Variants in FOXP4 observed in about 807,000 individuals in gnomAD.
FOXP4 encodes forkhead box P4.
FOXP4 carries 25 observed loss-of-function variants against 82.6 expected under a neutral mutation model. The ratio of observed to expected loss-of-function variants is 0.30; its 90% CI spans 0.22 to 0.42. FOXP4 has a LOEUF of 0.42. Among genes scored for constraint, FOXP4 ranks in the 10% least tolerant of loss-of-function variants. The pLI is 1.00. For synonymous variants in FOXP4, 415 were observed against 388.2 expected (o/e 1.07, Z -0.81); for missense variants, 785 against 900.9 (o/e 0.87, Z 1.65).
In FOXP4 at chr6:41,591,340, C is replaced by T. The variant is rs912060304; in HGVS notation, c.1536+18C>T. On this transcript the variant is annotated intron_variant, in intron 13 of 16. Transcript: ENST00000307972. The surrounding 1 kb of genome is among the most constrained non-coding windows in gnomAD (Gnocchi z 4.2). ...CCTGGAAGGTGAAGCAGGCCCCTTC[C>T]ACCTTCTGGGCCCCAGTCACCCTTG... The T allele has an allele frequency of 6.4e-7, 1 of 1,571,000 alleles. No individual in the cohort carries two copies. The highest frequency in any genetic ancestry group is 8.7e-7 in the Non-Finnish European group (1 of 1,154,806).
At chr6:41,568,590 G>T (rs747459709) in intron 2 of FOXP4, among the ~76,000 whole-genome samples, 4 of 152,172 alleles carry the variant, frequency 2.6e-5, no homozygotes, top group Non-Finnish European at 5.9e-5. Context: ...AACGCTGCCC[G>T]CTGGCCCTAA....
At chr6:41,555,821 C>T (rs1020606572) in intron 1 of FOXP4, among the ~76,000 whole-genome samples, 14 of 152,128 alleles carry the variant, frequency 9.2e-5, no homozygotes, top group Non-Finnish European at 1.9e-4. Flanking sequence ...TGTAGTTAAG[C>T]GGAGTAATCT....
At chr6:41,550,000 T>C (rs892883737) in intron 1 of FOXP4, among the ~76,000 whole-genome samples, 1 of 152,142 alleles carries the variant, frequency 6.6e-6, no homozygotes, top group Non-Finnish European at 1.5e-5. Flanking sequence ...CTCCTCACAG[T>C]TTCCCTTCTC....
intron 2 of FOXP4, chr6:41,570,079 G>GAC (rs35549847): frequency 0.23 from 28,676 of 123,800 alleles, 3,794 homozygotes; most frequent in East Asian, 0.29. Flanking sequence ...ACCACCCCCT[G>GAC]ACACACACAC....
rs895266925 is a variant in FOXP4 at position 41,600,377 on chromosome 6, C to T, written c.*1441C>T. 1 of 152,718 alleles carries T rather than the reference C, an allele frequency of 6.5e-6. No individual in the cohort carries two copies. 9.5% of individuals were successfully genotyped at this position (152,718 alleles called of 1,614,324 possible). A position where few individuals can be genotyped will look rare whatever the true frequency, so the allele number is the denominator to read the frequency against. On this transcript the variant is annotated 3_prime_UTR_variant, in exon 17 of 17. Coordinates refer to ENST00000307972, the MANE Select transcript of FOXP4 (RefSeq NM_001012426.2). ...AAAAGAGCTGGAAAAAAGTCAGACT[C>T]TCCACAGACCCCCTATGGGGGACCC...
rs73733277 is a variant in FOXP4, at chr6:41,556,872, C to T, written c.-16-8873C>T. ...CTTGGAAAGCTTTTTAAAATATCCA[C>T]GCCTGGGTCCAGTTCCCTGAAGAGT... is the stretch of plus-strand genomic sequence containing the variant. On this transcript the variant is annotated intron_variant, in intron 1 of 16. Coordinates refer to ENST00000307972, the MANE Select transcript of FOXP4 (RefSeq NM_001012426.2). Among the ~76,000 whole-genome samples the T allele has an allele frequency of 7.4e-3, 1,133 of 152,324 alleles. 16 individuals are homozygous for T. Among genetic ancestry groups the T allele is most frequent in the African/African-American group, 0.026 (1,064 of 41,564 alleles).
chr6:41,594,006 TGA>T (rs1378754463), intron 13 of FOXP4, among the ~76,000 whole-genome samples: 3 of 151,968 alleles, frequency 2.0e-5, no homozygotes, highest in Non-Finnish European at 2.9e-5. Context: ...GCAGCACAGC[TGA>T]GAGAGGAGGG....
At chr6:41,555,901 C>T (rs1764249759) in intron 1 of FOXP4, among the ~76,000 whole-genome samples, 1 of 152,176 alleles carries the variant, frequency 6.6e-6, no homozygotes, top group Non-Finnish European at 1.5e-5. Flanking sequence ...CTTATGTTTA[C>T]TTTCTTAATG....
chr6:41,583,565 CA>C (rs770695438), intron 3 of FOXP4, among the ~76,000 whole-genome samples: 1 of 152,234 alleles, frequency 6.6e-6, no homozygotes, highest in Non-Finnish European at 1.5e-5. Context: ...CATTTCAGCT[CA>C]GGGGGGCTAA....
chr6:41,556,259 G>A (rs1445951714), intron 1 of FOXP4, among the ~76,000 whole-genome samples: 2 of 151,880 alleles, frequency 1.3e-5, no homozygotes, highest in Non-Finnish European at 2.9e-5. Flanking sequence ...CAAAATGAGC[G>A]CAAAATTGCA....
At chr6:41,575,687 C>T (rs1042385377) in intron 2 of FOXP4, among the ~76,000 whole-genome samples, 1 of 152,096 alleles carries the variant, frequency 6.6e-6, no homozygotes, top group Non-Finnish European at 1.5e-5. Flanking sequence ...GGGGAGTCAA[C>T]TCCCCTGGCC....
intron 1 of FOXP4, among the ~76,000 whole-genome samples, chr6:41,549,692 C>A (rs957132086): frequency 7.0e-6 from 1 of 143,858 alleles, no homozygotes; most frequent in Non-Finnish European, 1.5e-5. Flanking sequence ...GCTGTCTGGA[C>A]CTCAGATTGT....
intron 1 of FOXP4, among the ~76,000 whole-genome samples, chr6:41,561,665 G>T (rs1764587654): frequency 6.6e-6 from 1 of 152,172 alleles, no homozygotes; most frequent in Non-Finnish European, 1.5e-5. Context: ...AAGCAGCTCA[G>T]ATCTACACTG....
chr6:41,563,688 T>C (rs1270076741), intron 1 of FOXP4, among the ~76,000 whole-genome samples: 1 of 152,192 alleles, frequency 6.6e-6, no homozygotes, highest in Non-Finnish European at 1.5e-5. Flanking sequence ...CTGATCAATA[T>C]TGGGGGCTTG....
At chr6:41,588,494 A>G in intron 8 of FOXP4, 150 bp from the exon 9 acceptor site, 1 of 740,220 alleles carries the variant, frequency 1.4e-6, no homozygotes, top group Non-Finnish European at 2.3e-6. Flanking sequence ...GCCTTCCTCC[A>G]TTGCCCCGTT....
chr6:41,587,477 C>T lies in FOXP4; in HGVS notation c.837C>T (p.Asn279=), dbSNP rs1027222657. 7.8e-6 allele frequency: 12 copies of T among 1,539,086 alleles called. No homozygotes were observed. In the African/African-American group the frequency reaches 1.1e-4, roughly 14 times the overall value. ...SPPLSHHTLP[N]GQPTVLTSRR... The stretch of plus-strand genomic sequence containing the variant: ...CCCTCTCCCACCATACCCTGCCCAA[C>T]GGACAGCCTACTGTGCTCACATCTC... Residue 279 remains asparagine, a synonymous_variant, in exon 7 of 17, where the codon AAC becomes AAT. Coordinates refer to ENST00000307972, the MANE Select transcript of FOXP4 (RefSeq NM_001012426.2).
rs141698200 is a variant in FOXP4 at position 41,577,146 on chromosome 6, C to T, written c.205-840C>T. ...CCACTGGAGTGATTCCTCCAGCAAT[C>T]TCCATATGCCTCCCACTCGTATGAC... is the stretch of plus-strand genomic sequence containing the variant. On this transcript the variant is annotated intron_variant, in intron 2 of 16. Coordinates refer to ENST00000307972, the MANE Select transcript of FOXP4 (RefSeq NM_001012426.2). Among the ~76,000 whole-genome samples the T allele has an allele frequency of 9.2e-5, 14 of 151,954 alleles. 2 individuals are homozygous for T. The East Asian group carries it at 2.7e-3, about 29-fold the overall frequency.
At chr6:41,574,554 T>G (rs1014072782) in intron 2 of FOXP4, among the ~76,000 whole-genome samples, 2 of 152,250 alleles carry the variant, frequency 1.3e-5, no homozygotes, top group Non-Finnish European at 2.9e-5. Context: ...ACATGTCTGC[T>G]GTGTGCTGGT....
At position 41,587,452 on chromosome 6, in the gene FOXP4, C is replaced by T. The variant is rs768344957; in HGVS notation, c.812C>T (p.Pro271Leu). ...SFAAPPKVSP[P>L]LSHHTLPNGQ... is the part of the protein sequence containing the mutation. ...GCCGCTCCCCCCAAGGTCTCACCCC[C>T]CCTCTCCCACCATACCCTGCCCAAC... Residue 271 changes from proline to leucine, a missense_variant, in exon 7 of 17, where the codon CCC becomes CTC. Pro to Leu is a moderately conservative substitution (Grantham distance 98). Around this residue, in one of 3 missense-constraint regions of FOXP4, gnomAD observed 570 missense variants for 634.0 expected, o/e 0.90. Coordinates refer to ENST00000307972, the MANE Select transcript of FOXP4 (RefSeq NM_001012426.2). The T allele has an allele frequency of 3.2e-6, 5 of 1,556,492 alleles. No individual in the cohort carries two copies. In the South Asian group the frequency reaches 3.7e-5, roughly 12 times the overall value.
Sources: allele counts gnomAD v4.1 joint callset (sites outside exome capture counted in the v4.1 genomes callset), GRCh38; gene constraint gnomAD v4.1.1; regional missense constraint gnomAD v4.1.1; non-coding constraint Gnocchi (gnomAD v3.1); transcripts MANE v1.5; gene names NCBI Gene and HGNC (gene_info 2026-07-23, HGNC 2026-07-21).